The following THSD4 variants were observed in gnomAD, a reference collection of about 807,000 sequenced individuals.
The protein encoded by THSD4 is thrombospondin type 1 domain containing 4, also known as thrombospondin type-1 domain-containing protein 4.
In THSD4, 69 loss-of-function variants were observed where a neutral mutation model predicts 119.0. The ratio of observed to expected loss-of-function variants is 0.58; its 90% CI spans 0.48 to 0.71. THSD4 has a LOEUF of 0.71. THSD4 is among the 30% of genes least tolerant of loss of function. THSD4 has a pLI of 0.00. For synonymous variants in THSD4, 524 were observed against 540.4 expected (o/e 0.97, Z 0.42); for missense variants, 1,393 against 1,391.1 (o/e 1.00, Z -0.02).
At chr15:71,267,088 A>G (rs2044473163) in intron 6 of THSD4, among the ~76,000 whole-genome samples, 1 of 152,184 alleles carries the variant, frequency 6.6e-6, no homozygotes, top group Admixed American at 6.5e-5. Context: ...ACAGGCCAAC[A>G]TTCAAATTCA....
intron 11 of THSD4, among the ~76,000 whole-genome samples, chr15:71,744,738 G>C (rs2053301722): frequency 6.6e-6 from 1 of 152,156 alleles, no homozygotes; most frequent in African/African-American, 2.4e-5. Context: ...CTTTAGAAAA[G>C]TTACTATTTG....
At chr15:71,108,021 C>T (rs879374059) in intron 1 of THSD4, among the ~76,000 whole-genome samples, 2 of 152,204 alleles carry the variant, frequency 1.3e-5, no homozygotes, top group Admixed American at 6.5e-5. Context: ...AGGAAACCTG[C>T]GCCCAAAGCA....
chr15:71,677,694 T>C (rs1003205779), intron 8 of THSD4, among the ~76,000 whole-genome samples: 1 of 152,198 alleles, frequency 6.6e-6, no homozygotes, highest in Admixed American at 6.5e-5. Context: ...ATTTTCTGCT[T>C]TGTATTGATA....
intron 12 of THSD4, among the ~76,000 whole-genome samples, chr15:71,745,457 C>G (rs562170309): frequency 5.3e-5 from 8 of 152,264 alleles, no homozygotes; most frequent in Non-Finnish European, 1.0e-4. Context: ...GGAAGCCCAC[C>G]CTTGACAAAG....
chr15:71,482,587 G>C (rs2047750324), intron 7 of THSD4, among the ~76,000 whole-genome samples: 1 of 148,918 alleles, frequency 6.7e-6, no homozygotes, highest in African/African-American at 2.5e-5. Flanking sequence ...ACCGTGCCCA[G>C]CCAACTTTTT....
At chr15:71,661,408 T>A (rs9745155) in intron 8 of THSD4, among the ~76,000 whole-genome samples, 3 of 151,994 alleles carry the variant, frequency 2.0e-5, no homozygotes, top group Non-Finnish European at 4.4e-5. Context: ...TTTATTTTTT[T>A]TTTTTGAGAC....
chr15:71,231,223 T>G (rs1397483649), intron 4 of THSD4, among the ~76,000 whole-genome samples: 3 of 152,196 alleles, frequency 2.0e-5, no homozygotes, highest in Admixed American at 2.0e-4. Context: ...GATGGCAATA[T>G]CTGGGGCTGT....
intron 7 of THSD4, among the ~76,000 whole-genome samples, chr15:71,641,313 T>C (rs2050853701): frequency 6.6e-6 from 1 of 151,888 alleles, no homozygotes; most frequent in South Asian, 2.1e-4. Context: ...GGACCACAGA[T>C]AGGAAATCTA....
chr15:71,257,926 G>C (rs1319666979), intron 6 of THSD4, among the ~76,000 whole-genome samples: 1 of 152,040 alleles, frequency 6.6e-6, no homozygotes, highest in African/African-American at 2.4e-5. Flanking sequence ...AACGGGTGGG[G>C]AACAGGGTGA....
At chr15:71,154,972 G>A (rs1181773607) in intron 3 of THSD4, 40 bp downstream of exon 3, 1 of 1,600,654 alleles carries the variant, frequency 6.2e-7, no homozygotes, top group African/African-American at 1.3e-5. Flanking sequence ...CTCTGCCCAA[G>A]GGGCTAGGGC....
chr15:71,121,637 C>T (rs890524692), intron 1 of THSD4, among the ~76,000 whole-genome samples: 1 of 152,140 alleles, frequency 6.6e-6, no homozygotes, highest in East Asian at 1.9e-4. Context: ...GGTTGTCAGA[C>T]TACTTGTGGG....
chr15:71,444,611 T>C, intron 7 of THSD4, among the ~76,000 whole-genome samples: 1 of 152,166 alleles, frequency 6.6e-6, no homozygotes, highest in African/African-American at 2.4e-5. Context: ...TATATTTTCT[T>C]CCTCCCTTGT....
intron 7 of THSD4, among the ~76,000 whole-genome samples, chr15:71,462,628 T>C (rs1342052084): frequency 6.6e-6 from 1 of 152,258 alleles, no homozygotes; most frequent in Non-Finnish European, 1.5e-5. Flanking sequence ...GCATATCTTC[T>C]GACCATTGAC....
Position 71,529,148 on chromosome 15 carries a change from G to A in THSD4, c.1152+117325G>A, listed in dbSNP as rs186965218. 1.1e-4 allele frequency among the ~76,000 whole-genome samples: 16 copies of A among 152,288 alleles called. No homozygotes were observed. In the East Asian group the frequency reaches 1.7e-3, roughly 17 times the overall value. On this transcript the variant is annotated intron_variant, in intron 7 of 17. Coordinates refer to ENST00000261862, the MANE Select transcript of THSD4 (RefSeq NM_024817.3). ...GCAACCTTGGAAACCATGTATTGAGGGGCATAGAGCCTCTGGCAGCCTGGG... is the reference window on the plus strand; with the variant it reads ...GCAACCTTGGAAACCATGTATTGAGAGGCATAGAGCCTCTGGCAGCCTGGG...
chr15:71,766,884 CA>C (rs1193777271), intron 16 of THSD4: 2 of 151,866 alleles, frequency 1.3e-5, no homozygotes, highest in Non-Finnish European at 2.9e-5. Context: ...AAGCCAGGTT[CA>C]AAAAACTACG....
intron 7 of THSD4, among the ~76,000 whole-genome samples, chr15:71,484,076 A>T (rs2047777021): frequency 6.6e-6 from 1 of 152,230 alleles, no homozygotes; most frequent in African/African-American, 2.4e-5. Flanking sequence ...TATATTTCAC[A>T]TTGGACCCAT....
intron 7 of THSD4, among the ~76,000 whole-genome samples, chr15:71,447,107 CCATTTTTTTTGT>C (rs1244341992): frequency 1.5e-4 from 19 of 129,558 alleles, no homozygotes; most frequent in Non-Finnish European, 2.7e-4. Flanking sequence ...CCTCTTCCCT[CCATTTTTTTTGT>C]TTTTTTTTTT....
At chr15:71,157,609 C>G (rs997505698) in intron 3 of THSD4, among the ~76,000 whole-genome samples, 5 of 151,850 alleles carry the variant, frequency 3.3e-5, no homozygotes, top group African/African-American at 4.8e-5. Context: ...CCCACTCTCC[C>G]CTCTTTTCTT....
At chr15:71,262,671 G>T (rs75670257) in intron 6 of THSD4, among the ~76,000 whole-genome samples, 424 of 152,276 alleles carry the variant, frequency 2.8e-3, no homozygotes, top group African/African-American at 1.0e-2. Context: ...TGAAAAGCCA[G>T]AGGGGAGGCT....
Sources: gnomAD v4.1 joint callset for allele counts (sites outside exome capture counted in the v4.1 genomes callset) on GRCh38, gnomAD v4.1.1 for gene constraint, MANE v1.5 for transcripts, NCBI Gene and HGNC (gene_info 2026-07-23, HGNC 2026-07-21) for gene names.